ABCB9: variants seen among roughly 807,000 people sequenced by gnomAD.
ABCB9 encodes ATP binding cassette subfamily B member 9, also known as ABC-type oligopeptide transporter ABCB9.
ABCB9 carries 36 observed loss-of-function variants against 62.0 expected under a neutral mutation model. The observed-to-expected ratio is 0.58, with a 90% CI of 0.45 to 0.77. ABCB9 has a LOEUF of 0.77. ABCB9 is among the 30% of genes least tolerant of loss of function. The pLI is 0.00. For synonymous variants in ABCB9, 435 were observed against 461.4 expected, an observed-to-expected ratio of 0.94 and a Z score of 0.73; for missense variants, 943 against 1,054.7, an observed-to-expected ratio of 0.89 and a Z score of 1.47.
chr12:122,928,208 G>C (rs1015519248), downstream of ABCB9, among the ~76,000 whole-genome samples: 1 of 152,158 alleles, frequency 6.6e-6, no homozygotes, highest in African/African-American at 2.4e-5. Context: ...GGTGGCTCAC[G>C]CCTATAATCC....
rs373194785 is a variant in ABCB9 at position 122,932,372 on chromosome 12, C to T, written c.1904-44G>A. The T allele has an allele frequency of 5.5e-5, 83 of 1,521,466 alleles. No homozygotes were observed. The East Asian group carries it at 5.7e-4, about 10-fold the overall frequency. 94.2% of individuals were successfully genotyped at this position (1,521,466 alleles called of 1,614,324 possible). ...GAGACAATTTAGCAATGGGTGAGGC[C>T]GGGCAGCACCGGGGAAGAGTGAGAG... is the stretch of plus-strand genomic sequence containing the variant. On this transcript the variant is annotated intron_variant, in intron 10 of 11. Transcript: ENST00000280560. This position sits in a 1 kb window ranked among gnomAD's most constrained non-coding sequence, Gnocchi z 4.7.
At chr12:122,967,857 C>G (rs1379436107), upstream of ABCB9, among the ~76,000 whole-genome samples, 1 of 152,098 alleles carries the variant, frequency 6.6e-6, no homozygotes, top group Non-Finnish European at 1.5e-5. Flanking sequence ...GGGACAGCTT[C>G]TTTAGAGGGG....
chr12:122,974,351 C>T (rs947986664), intron 1 of ABCB9, among the ~76,000 whole-genome samples: 3 of 152,142 alleles, frequency 2.0e-5, no homozygotes, highest in Non-Finnish European at 4.4e-5. Flanking sequence ...ACCCCAAATC[C>T]CACATACTTC....
intron 1 of ABCB9, among the ~76,000 whole-genome samples, chr12:122,973,669 G>T (rs2037323780): frequency 6.8e-6 from 1 of 148,036 alleles, no homozygotes; most frequent in African/African-American, 2.5e-5. Context: ...AGACCATCCT[G>T]GCTAACACGG....
At position 122,973,589 on chromosome 12, in the gene ABCB9, A is replaced by C. The variant is rs1156599770; in HGVS notation, c.-88+1126T>G. 1.4e-3 allele frequency among the ~76,000 whole-genome samples: 202 copies of C among 142,768 alleles called. 1 individual carries two copies. Among genetic ancestry groups the C allele is most frequent in the Non-Finnish European group, 2.3e-3 (151 of 65,330 alleles). The allele number at this position is 142,768 out of a possible 152,430, so 93.7% of individuals were successfully genotyped here. ...CCGTCTCAAAAAAAGAAAAAAAAAA[A>C]AAAAAAAAAAAAAAAAAAAACAAAA... On this transcript the variant is annotated intron_variant, in intron 1 of 11. Transcript: ENST00000392439.
At chr12:122,933,925 T>C (rs2035324041) in intron 10 of ABCB9, among the ~76,000 whole-genome samples, 1 of 152,174 alleles carries the variant, frequency 6.6e-6, no homozygotes, top group African/African-American at 2.4e-5. Context: ...CTCTTAGCTA[T>C]TTTCAAGTAC....
rs1291688226 is a variant in ABCB9 at position 122,932,633 on chromosome 12, G to A, written c.1904-305C>T. ...TCACCCGTCCTCCTGGAGAAGGGGA[G>A]TTGGAGCGAGCCCCATGGCTTGAAG... On this transcript the variant is annotated intron_variant, in intron 10 of 11. Transcript: ENST00000280560. The surrounding 1 kb of genome is among the most constrained non-coding windows in gnomAD (Gnocchi z 4.7). Among the ~76,000 whole-genome samples, 1 of 152,228 alleles carries A rather than the reference G, an allele frequency of 6.6e-6. No individual in the cohort carries two copies. Among genetic ancestry groups the A allele is most frequent in the East Asian group, 1.9e-4 (1 of 5,202 alleles).
intron 2 of ABCB9, among the ~76,000 whole-genome samples, chr12:122,953,773 C>T (rs777867188): frequency 2.6e-5 from 4 of 152,020 alleles, no homozygotes; most frequent in Admixed American, 6.6e-5. Flanking sequence ...CTGCCCGCCT[C>T]GGCCTTCCAA....
intron 2 of ABCB9, chr12:122,952,545 T>C (rs575127581): frequency 1.3e-5 from 2 of 152,348 alleles, no homozygotes; most frequent in East Asian, 3.9e-4. Flanking sequence ...CCCACAGTCC[T>C]TGGCCAGACG....
At position 122,959,620 on chromosome 12, in the gene ABCB9, G is replaced by T; in HGVS notation, c.601+15C>A. ...GATGTTCTGGTGGCCACATGTCCCCGAGGTCCTTACTTACCCAGAGCTGCC... is the reference window on the plus strand; with the variant it reads ...GATGTTCTGGTGGCCACATGTCCCCTAGGTCCTTACTTACCCAGAGCTGCC... On this transcript the variant is annotated intron_variant, in intron 2 of 11. Transcript: ENST00000280560. The surrounding 1 kb of genome is among the most constrained non-coding windows in gnomAD (Gnocchi z 5.4). The T allele has an allele frequency of 6.5e-7, 1 of 1,528,158 alleles. No homozygotes were observed. Among genetic ancestry groups the T allele is most frequent in the Non-Finnish European group, 8.8e-7 (1 of 1,137,114 alleles). The allele number at this position is 1,528,158 out of a possible 1,614,324, so 94.7% of individuals were successfully genotyped here.
chr12:122,957,742 G>C (rs1007998371), intron 2 of ABCB9, among the ~76,000 whole-genome samples: 3 of 136,546 alleles, frequency 2.2e-5, no homozygotes, highest in African/African-American at 8.3e-5. Context: ...GCCTCCCAAA[G>C]CGCTGGGATT....
intron 7 of ABCB9, among the ~76,000 whole-genome samples, chr12:122,941,976 G>A: frequency 6.6e-6 from 1 of 151,422 alleles, no homozygotes; most frequent in East Asian, 2.0e-4. Flanking sequence ...GAATCCGCCT[G>A]CCTCAGCCTC....
chr12:122,967,187 C>G (rs151065891), upstream of ABCB9, among the ~76,000 whole-genome samples: 273 of 152,324 alleles, frequency 1.8e-3, no homozygotes, highest in African/African-American at 5.7e-3. Flanking sequence ...AGAAAACTCC[C>G]AGCCTTCATG....
Position 122,940,968 on chromosome 12 carries a change from T to A in ABCB9, c.1408A>T (p.Met470Leu), listed in dbSNP as rs750590626. 3 of 1,611,722 alleles carry A rather than the reference T, an allele frequency of 1.9e-6. No individual in the cohort carries two copies. In the South Asian group the frequency reaches 3.3e-5, roughly 18 times the overall value. Residue 470 changes from methionine (M) to leucine (L), a missense_variant, in exon 8 of 12, where the codon ATG (methionine) becomes TTG (leucine). Physicochemically the swap from Met to Leu is conservative, Grantham distance 15. Transcript: ENST00000280560. This position sits in a 1 kb window ranked among gnomAD's most constrained non-coding sequence, Gnocchi z 4.8. ...TTCTCAGCAGCCCCCACTCCCTGCA[T>A]CAGGCCACTGTAGACGGAGCCCACG... is the stretch of plus-strand genomic sequence containing the variant. ...ESVGSVYSGL[M>L]QGVGAAEKVF...
At chr12:122,945,877 CAAAAAAA>C in intron 6 of ABCB9, 141 bp downstream of exon 6, 28 of 473,288 alleles carry the variant, frequency 5.9e-5, no homozygotes, top group East Asian at 1.2e-4. Flanking sequence ...GGCTCTGTCT[CAAAAAAA>C]AAAAAAAAAA....
Position 122,932,016 on chromosome 12 carries a change from C to A in ABCB9, c.2040+176G>T. The A allele has an allele frequency of 8.8e-7, 1 of 1,141,914 alleles. No individual in the cohort carries two copies. Among genetic ancestry groups the A allele is most frequent in the Non-Finnish European group, 1.2e-6 (1 of 804,874 alleles). 70.7% of individuals were successfully genotyped at this position (1,141,914 alleles called of 1,614,324 possible). On this transcript the variant is annotated intron_variant, in intron 11 of 11. Coordinates refer to ENST00000280560, the MANE Select transcript of ABCB9 (RefSeq NM_019625.4). The surrounding 1 kb of genome is among the most constrained non-coding windows in gnomAD (Gnocchi z 4.7). ...CTGCCTGGAGCCTGGAGGCTGGGTC[C>A]AGAGTGGCTCCTGGCTCCCCACTCT... is the stretch of plus-strand genomic sequence containing the variant.
chr12:122,932,058 C>A lies in ABCB9; in HGVS notation c.2040+134G>T. 6.8e-7 allele frequency: 1 copy of A among 1,466,608 alleles called. No individual in the cohort carries two copies. The allele number at this position is 1,466,608 out of a possible 1,614,324, so 90.8% of individuals were successfully genotyped here. The stretch of plus-strand genomic sequence containing the variant: ...CCCCACTCTCAACACCAGGAATTCA[C>A]CAGCCCAGGAGGCTGATAGTCTGGG... On this transcript the variant is annotated intron_variant, in intron 11 of 11. Coordinates refer to ENST00000280560, the MANE Select transcript of ABCB9 (RefSeq NM_019625.4). This position sits in a 1 kb window ranked among gnomAD's most constrained non-coding sequence, Gnocchi z 4.7.
chr12:122,924,959 C>A, downstream of ABCB9: 1 of 825,324 alleles, frequency 1.2e-6, no homozygotes, highest in Non-Finnish European at 1.9e-6. Flanking sequence ...CTCTGTCACC[C>A]AGGCTGGAGT....
Position 122,930,118 on chromosome 12 carries a change from C to G in ABCB9, c.2094G>C (p.Ala698=), listed in dbSNP as rs781428831. The G allele has an allele frequency of 6.4e-7, 1 of 1,555,032 alleles. No homozygotes were observed. Among genetic ancestry groups the G allele is most frequent in the Non-Finnish European group, 8.7e-7 (1 of 1,149,322 alleles). ...NLQKHTVLII[A]HRLSTVEHAH... is the part of the protein sequence containing the mutation. ...CGTGCTCCACGGTGCTCAGCCGGTG[C>G]GCGATGATGAGTACCGTGTGCTTCT... Residue 698 remains alanine (A), a synonymous_variant, in exon 12 of 12, where the codon GCG becomes GCC. Transcript: ENST00000280560. This position sits in a 1 kb window ranked among gnomAD's most constrained non-coding sequence, Gnocchi z 4.9.
Sources: gnomAD v4.1 joint callset for allele counts (sites outside exome capture counted in the v4.1 genomes callset) on GRCh38, gnomAD v4.1.1 for gene constraint, Gnocchi (gnomAD v3.1) non-coding constraint, MANE v1.5 for transcripts, NCBI Gene and HGNC (gene_info 2026-07-23, HGNC 2026-07-21) for gene names.